Variants in KIAA1191 observed in about 807,000 individuals in gnomAD.
KIAA1191 encodes putative monooxygenase p33MONOX.
Under a neutral mutation model 31.1 loss-of-function variants are expected in KIAA1191, and 22 were observed. The observed-to-expected ratio is 0.71, with a 90% CI of 0.51 to 1.01. The LOEUF (loss-of-function observed/expected upper bound fraction) is 1.01. Ranked by LOEUF, KIAA1191 falls within the 50% of genes least tolerant of loss-of-function variation. The probability of loss-of-function intolerance (pLI) is 0.00; values close to 1 mark genes in which losing one functional copy is unlikely to be tolerated. For missense variants in KIAA1191, 319 were observed against 388.0 expected (o/e 0.82, Z 1.49); for synonymous variants, 130 against 143.9 (o/e 0.90, Z 0.69).
At chr5:176,348,185 C>T in intron 7 of KIAA1191, 65 bp downstream of exon 7, 2 of 1,597,452 alleles carry the variant, frequency 1.3e-6, no homozygotes, top group Non-Finnish European at 1.7e-6. Flanking sequence ...TAAATACAAC[C>T]TCATCTGCCA....
At chr5:176,349,409 G>A (rs1268172456) in intron 6 of KIAA1191, among the ~76,000 whole-genome samples, 2 of 152,194 alleles carry the variant, frequency 1.3e-5, no homozygotes, top group African/African-American at 2.4e-5. Context: ...GCCGGGTGCG[G>A]TGGCTCATAC....
chr5:176,350,836 A>C (rs934902646), intron 5 of KIAA1191, 99 bp from the exon 6 acceptor site: 1 of 1,384,364 alleles, frequency 7.2e-7, no homozygotes, highest in Non-Finnish European at 9.8e-7. Flanking sequence ...GAAGCAAGAG[A>C]CCACACTGAC....
chr5:176,358,859 C>A (rs913298177), intron 3 of KIAA1191, among the ~76,000 whole-genome samples: 2 of 151,962 alleles, frequency 1.3e-5, no homozygotes, highest in South Asian at 4.1e-4. Flanking sequence ...CCGAGGCGGG[C>A]GGATCACAAG....
rs1766697019 is a variant in KIAA1191, at chr5:176,348,304, G to A, written c.512C>T (p.Ser171Leu). The part of the protein sequence containing the change: ...EVTKEERQPA[S>L]AQSTPSTTPH... ...AGTGGTGCTTGGGGTGGACTGGGCT[G>A]ATGCAGGCTGCCTCTCTTCTTTTGT... Residue 171 changes from serine (S) to leucine (L), a missense_variant, in exon 7 of 9, where the codon TCA becomes TTA. Coordinates refer to ENST00000298569, the MANE Select transcript of KIAA1191 (RefSeq NM_020444.5). The A allele has an allele frequency of 3.1e-6, 5 of 1,613,806 alleles. No homozygotes were observed. The highest frequency in any genetic ancestry group is 3.4e-6 in the Non-Finnish European group (4 of 1,179,978).
At chr5:176,358,498 C>T (rs1442873536) in intron 3 of KIAA1191, among the ~76,000 whole-genome samples, 1 of 146,070 alleles carries the variant, frequency 6.8e-6, no homozygotes, top group Admixed American at 6.9e-5. Flanking sequence ...GAAGGATCAC[C>T]TGAGGTCAGG....
In KIAA1191 at chr5:176,347,663, CTG is replaced by C; in HGVS notation, c.853_854del (p.Gln285AlafsTer6). 6.4e-7 allele frequency: 1 copy of C among 1,573,126 alleles called. No individual in the cohort carries two copies. The highest frequency in any genetic ancestry group is 1.2e-5 in the South Asian group (1 of 83,416). On this transcript the variant is annotated frameshift_variant, in exon 9 of 9. Coordinates refer to ENST00000298569, the MANE Select transcript of KIAA1191 (RefSeq NM_020444.5). LOFTEE classifies it high-confidence loss of function. The stretch of plus-strand genomic sequence containing the variant: ...GTTTGAGGTTATGGGCCCGTGGTGG[CTG>C]TTTCTTTCCTTCCATCACTGGGATG... ...MDIPVMEGKKQPPRAHNLKPR... is the reference protein window; with the variant it reads ...MDIPVMEGKKXPPRAHNLKPR...
In KIAA1191 at chr5:176,355,068, A is replaced by G. The variant is rs944135096; in HGVS notation, c.207+503T>C. Among the ~76,000 whole-genome samples, 8 of 152,168 alleles carry G rather than the reference A, an allele frequency of 5.3e-5. No individual in the cohort carries two copies. Among genetic ancestry groups the G allele is most frequent in the Admixed American group, 5.2e-4 (8 of 15,284 alleles). On this transcript the variant is annotated intron_variant, in intron 4 of 8. Transcript: ENST00000298569. This position sits in a 1 kb window ranked among gnomAD's most constrained non-coding sequence, Gnocchi z 4.2. ...GGCAGAAAATACGCTGCTAAGTGCA[A>G]GAATTTTAGGTAACTTGCACAGTTC...
At chr5:176,352,154 TA>T (rs112644959) in intron 5 of KIAA1191, among the ~76,000 whole-genome samples, 60 of 115,862 alleles carry the variant, frequency 5.2e-4, no homozygotes, top group Non-Finnish European at 5.4e-4. Context: ...TTGAGCTGTT[TA>T]AAAAAAAAAA....
chr5:176,353,511 G>A (rs1767223665), intron 4 of KIAA1191: 1 of 152,208 alleles, frequency 6.6e-6, no homozygotes, highest in Non-Finnish European at 1.5e-5. Flanking sequence ...TGGTTGAAAA[G>A]GGGGGACAGA....
chr5:176,348,167 CACAGGCTTAAAT>C, intron 7 of KIAA1191, 71 bp downstream of exon 7: 1 of 1,594,728 alleles, frequency 6.3e-7, no homozygotes, highest in Non-Finnish European at 8.6e-7. Context: ...CCTCTGAAAC[CACAGGCTTAAAT>C]ACAACCTCAT....
intron 3 of KIAA1191, among the ~76,000 whole-genome samples, chr5:176,359,254 G>A (rs1767781379): frequency 6.6e-6 from 1 of 152,180 alleles, no homozygotes; most frequent in South Asian, 2.1e-4. Context: ...AGGAAGCGGA[G>A]GTAGCAGTGA....
chr5:176,355,431 C>T lies in KIAA1191; in HGVS notation c.207+140G>A, dbSNP rs1238046104. The T allele has an allele frequency of 2.9e-6, 2 of 679,202 alleles. No individual in the cohort carries two copies. Among genetic ancestry groups the T allele is most frequent in the East Asian group, 2.7e-5 (1 of 37,592 alleles). 42.1% of individuals were successfully genotyped at this position (679,202 alleles called of 1,614,324 possible). A position where few individuals can be genotyped will look rare whatever the true frequency, so the allele number is the denominator to read the frequency against. On this transcript the variant is annotated intron_variant, in intron 4 of 8. Coordinates refer to ENST00000298569, the MANE Select transcript of KIAA1191 (RefSeq NM_020444.5). This position sits in a 1 kb window ranked among gnomAD's most constrained non-coding sequence, Gnocchi z 4.2. ...AATCTTAAAAAAAAAAAAAAGACAG[C>T]TATAACTGAGGCACAGAAAACACAT...
Position 176,359,932 on chromosome 5 carries a change from ACAGC to A in KIAA1191, c.-167-18_-167-15del, listed in dbSNP as rs1213808588. The stretch of plus-strand genomic sequence containing the variant: ...CATCCAGAGGTTCTAATAACAACAA[ACAGC>A]CAGCATTGGAACAGCCCGTCAGAGT... On this transcript the variant is annotated splice_polypyrimidine_tract_variant and intron_variant, in intron 1 of 8. Coordinates refer to ENST00000298569, the MANE Select transcript of KIAA1191 (RefSeq NM_020444.5). 1.2e-5 allele frequency: 2 copies of A among 173,266 alleles called. No individual in the cohort carries two copies. Among genetic ancestry groups the A allele is most frequent in the African/African-American group, 4.7e-5 (2 of 42,534 alleles). The allele number at this position is 173,266 out of a possible 1,614,324, so 10.7% of individuals were successfully genotyped here.
chr5:176,348,170 A>G, intron 7 of KIAA1191, 80 bp downstream of exon 7: 1 of 1,592,126 alleles, frequency 6.3e-7, no homozygotes, highest in South Asian at 1.1e-5. Flanking sequence ...CTGAAACCAC[A>G]GGCTTAAATA....
At position 176,355,479 on chromosome 5, in the gene KIAA1191, T is replaced by G. The variant is rs1767429566; in HGVS notation, c.207+92A>C. ...CATACAGGGAGTGGTTGCTGCCCAGTCCCATGGGCACAGGGAGCCACTGAA... is the reference window on the plus strand; with the variant it reads ...CATACAGGGAGTGGTTGCTGCCCAGGCCCATGGGCACAGGGAGCCACTGAA... On this transcript the variant is annotated intron_variant, in intron 4 of 8. Transcript: ENST00000298569. The surrounding 1 kb of genome is among the most constrained non-coding windows in gnomAD (Gnocchi z 4.2). 1.7e-6 allele frequency: 2 copies of G among 1,193,588 alleles called. No homozygotes were observed. Among genetic ancestry groups the G allele is most frequent in the Non-Finnish European group, 2.4e-6 (2 of 832,702 alleles). 73.9% of individuals were successfully genotyped at this position (1,193,588 alleles called of 1,614,324 possible).
intron 4 of KIAA1191, among the ~76,000 whole-genome samples, chr5:176,354,923 T>A (rs1341049609): frequency 7.8e-6 from 1 of 129,028 alleles, no homozygotes; most frequent in Non-Finnish European, 1.7e-5. Context: ...AAGAGACTTT[T>A]GAGCTAAGAC....
At position 176,346,669 on chromosome 5, in the gene KIAA1191, CG is replaced by C; in HGVS notation, c.*930del. On this transcript the variant is annotated 3_prime_UTR_variant, in exon 9 of 9. Coordinates refer to ENST00000298569, the MANE Select transcript of KIAA1191 (RefSeq NM_020444.5). ...CATAGAAAGAGGAGCATGCCTCCTC[CG>C]GCACTGGCCTAAGAGGCCCCACATG... 1 of 152,338 alleles carries C rather than the reference CG, an allele frequency of 6.6e-6. No individual in the cohort carries two copies. The highest frequency in any genetic ancestry group is 1.9e-4 in the East Asian group (1 of 5,188). 9.4% of individuals were successfully genotyped at this position (152,338 alleles called of 1,614,324 possible).
chr5:176,355,873 T>C lies in KIAA1191; in HGVS notation c.29-124A>G, dbSNP rs1767466403. The C allele has an allele frequency of 1.3e-5, 12 of 920,114 alleles. No individual in the cohort carries two copies. The highest frequency in any genetic ancestry group is 1.9e-5 in the Non-Finnish European group (11 of 582,824). The allele number at this position is 920,114 out of a possible 1,614,324, so 57.0% of individuals were successfully genotyped here. A position where few individuals can be genotyped will look rare whatever the true frequency, so the allele number is the denominator to read the frequency against. Reference sequence around the variant, plus strand: ...CTTGAACAGAGCAAAATAGCTTGTTTTGGAGTAGCTAATCCCATCCAGGAA... The same window carrying C: ...CTTGAACAGAGCAAAATAGCTTGTTCTGGAGTAGCTAATCCCATCCAGGAA... On this transcript the variant is annotated intron_variant, in intron 3 of 8. Transcript: ENST00000298569. The surrounding 1 kb of genome is among the most constrained non-coding windows in gnomAD (Gnocchi z 4.2).
chr5:176,354,929 A>G (rs1401624443), intron 4 of KIAA1191, among the ~76,000 whole-genome samples: 1 of 107,452 alleles, frequency 9.3e-6, no homozygotes, highest in African/African-American at 3.2e-5. Context: ...CTTTTGAGCT[A>G]AGACTTAAAG....
Sources: allele counts gnomAD v4.1 joint callset (sites outside exome capture counted in the v4.1 genomes callset), GRCh38; gene constraint gnomAD v4.1.1; non-coding constraint Gnocchi (gnomAD v3.1); transcripts MANE v1.5; gene names NCBI Gene and HGNC (gene_info 2026-07-23, HGNC 2026-07-21).